IL33: variants seen among roughly 807,000 people sequenced by gnomAD.
IL33 encodes interleukin-33.
In IL33, 37 loss-of-function variants were observed where a neutral mutation model predicts 27.3. The ratio of observed to expected loss-of-function variants is 1.36; its 90% CI spans 1.04 to 1.78. The LOEUF is 1.78. IL33 is among the 40% of genes most tolerant of loss of function. The pLI is 0.00. For missense variants in IL33, 406 were observed against 311.4 expected (o/e 1.30, Z -2.29); for synonymous variants, 132 against 102.9 (o/e 1.28, Z -1.71).
At chr9:6,253,683 C>G in intron 6 of IL33, 81 bp downstream of exon 6, 1 of 1,115,246 alleles carries the variant, frequency 9.0e-7, no homozygotes, top group Non-Finnish European at 1.3e-6. Context: ...TCCTTTTTGC[C>G]CCATAGGAAA....
intron 1 of IL33, among the ~76,000 whole-genome samples, chr9:6,230,915 C>T (rs576233960): frequency 2.0e-5 from 3 of 152,264 alleles, no homozygotes; most frequent in Admixed American, 6.5e-5. Context: ...ACCTATGTGA[C>T]GTTTTGCAAG....
intron 2 of IL33, 41 bp downstream of exon 2, chr9:6,241,826 T>C: frequency 7.5e-7 from 1 of 1,339,650 alleles, no homozygotes; most frequent in African/African-American, 1.5e-5. Flanking sequence ...ACGCACTATT[T>C]TTATCTGTTA....
At chr9:6,217,814 C>G (rs926296951) in intron 1 of IL33, among the ~76,000 whole-genome samples, 23 of 152,176 alleles carry the variant, frequency 1.5e-4, no homozygotes, top group African/African-American at 5.3e-4. Flanking sequence ...TAGCACAAAT[C>G]CAAAAGTATG....
At chr9:6,233,483 C>T (rs916424647) in intron 1 of IL33, among the ~76,000 whole-genome samples, 2 of 152,126 alleles carry the variant, frequency 1.3e-5, no homozygotes, top group African/African-American at 4.8e-5. Context: ...AAGTTTTCCT[C>T]TTTTCATTGG....
chr9:6,253,055 A>T (rs1284335908), intron 5 of IL33, 64 bp downstream of exon 5: 1 of 1,115,224 alleles, frequency 9.0e-7, no homozygotes, highest in Non-Finnish European at 1.3e-6. Context: ...CATTTTAATA[A>T]ATCTACCAAA....
chr9:6,253,227 G>T (rs1302813676), intron 5 of IL33, among the ~76,000 whole-genome samples: 1 of 152,150 alleles, frequency 6.6e-6, no homozygotes, highest in African/African-American at 2.4e-5. Flanking sequence ...TGCAGTATCT[G>T]TTGTGAAAGA....
rs1231271124 is a variant in IL33, at chr9:6,254,526, T to G, written c.585T>G (p.His195Gln). 6.3e-7 allele frequency: 1 copy of G among 1,595,138 alleles called. No individual in the cohort carries two copies. Among genetic ancestry groups the G allele is most frequent in the African/African-American group, 1.3e-5 (1 of 74,174 alleles). Residue 195 changes from histidine to glutamine, a missense_variant, in exon 7 of 8, where the codon CAT (histidine) becomes CAG (glutamine). Coordinates refer to ENST00000682010, the MANE Select transcript of IL33 (RefSeq NM_033439.4). The stretch of plus-strand genomic sequence containing the variant: ...GTCCTACAAAAGACTTCTGGTTGCA[T>G]GCCAACAACAAGGAACACTCTGTGG... ...TLSPTKDFWL[H>Q]ANNKEHSVEL...
intron 7 of IL33, 106 bp downstream of exon 7, chr9:6,254,659 A>AT (rs1816622182): frequency 9.2e-6 from 5 of 546,242 alleles, no homozygotes; most frequent in African/African-American, 1.9e-5. Context: ...TTGCAGAAGG[A>AT]TTTTTTTGTG....
intron 1 of IL33, among the ~76,000 whole-genome samples, chr9:6,226,936 A>G (rs1382169952): frequency 6.6e-6 from 1 of 152,216 alleles, no homozygotes; most frequent in Non-Finnish European, 1.5e-5. Context: ...GTTCTTCAAG[A>G]TAAGACTTGT....
At chr9:6,218,749 C>CAT (rs1180214190) in intron 1 of IL33, among the ~76,000 whole-genome samples, 3 of 96,018 alleles carry the variant, frequency 3.1e-5, no homozygotes, top group Non-Finnish European at 4.5e-5. Context: ...ATATGTTCTC[C>CAT]ATATATATAT....
intron 1 of IL33, among the ~76,000 whole-genome samples, chr9:6,223,947 T>A (rs1818519708): frequency 1.3e-5 from 2 of 152,086 alleles, no homozygotes; most frequent in Non-Finnish European, 2.9e-5. Context: ...TTAACCCAGC[T>A]CTGAGCATCA....
At chr9:6,254,698 A>T in intron 7 of IL33, 145 bp downstream of exon 7, 1 of 384,686 alleles carries the variant, frequency 2.6e-6, no homozygotes, top group East Asian at 3.8e-5. Context: ...ACAATCACTT[A>T]CTACAAATGA....
At chr9:6,232,349 T>C (rs911007347) in intron 1 of IL33, among the ~76,000 whole-genome samples, 3 of 152,224 alleles carry the variant, frequency 2.0e-5, no homozygotes, top group Non-Finnish European at 2.9e-5. Flanking sequence ...CTCATATATT[T>C]CTCACTGTTG....
chr9:6,241,290 A>G (rs1324932022), intron 1 of IL33, among the ~76,000 whole-genome samples: 1 of 152,254 alleles, frequency 6.6e-6, no homozygotes, highest in Non-Finnish European at 1.5e-5. Context: ...CAAGTATTAT[A>G]TACTATGCAT....
chr9:6,219,304 A>T (rs867315098), intron 1 of IL33, among the ~76,000 whole-genome samples: 13 of 151,854 alleles, frequency 8.6e-5, no homozygotes, highest in Admixed American at 2.6e-4. Context: ...AGCAAAAGTA[A>T]CTTTTAAGGG....
At chr9:6,220,753 G>GTTA (rs1261431260) in intron 1 of IL33, among the ~76,000 whole-genome samples, 3 of 150,558 alleles carry the variant, frequency 2.0e-5, no homozygotes, top group African/African-American at 4.8e-5. Context: ...TATTGTTATT[G>GTTA]TTATTATTAT....
intron 1 of IL33, among the ~76,000 whole-genome samples, chr9:6,227,061 C>T (rs140253614): frequency 6.6e-5 from 10 of 152,374 alleles, no homozygotes; most frequent in Non-Finnish European, 1.5e-4. Context: ...TAGGGGCTGA[C>T]TTGTCCTGAG....
chr9:6,256,441 G>A lies in IL33; in HGVS notation c.*273G>A, dbSNP rs1816737368. 2.2e-6 allele frequency: 1 copy of A among 456,722 alleles called. No individual in the cohort carries two copies. The highest frequency in any genetic ancestry group is 5.9e-5 in the South Asian group (1 of 16,836). 28.3% of individuals were successfully genotyped at this position (456,722 alleles called of 1,614,324 possible). A position where few individuals can be genotyped will look rare whatever the true frequency, so the allele number is the denominator to read the frequency against. ...TCAACATTCTAAAGAGATACAGTCT[G>A]ACCTTTACTTTTCTCTAGTTTCAGT... On this transcript the variant is annotated 3_prime_UTR_variant, in exon 8 of 8. Transcript: ENST00000682010.
intron 1 of IL33, among the ~76,000 whole-genome samples, chr9:6,225,525 G>C (rs1157695288): frequency 6.6e-6 from 1 of 152,092 alleles, no homozygotes; most frequent in Non-Finnish European, 1.5e-5. Context: ...AAAATAAGGA[G>C]TTTTAGGCCA....
Sources: allele counts gnomAD v4.1 joint callset (sites outside exome capture counted in the v4.1 genomes callset), GRCh38; gene constraint gnomAD v4.1.1; transcripts MANE v1.5; gene names NCBI Gene and HGNC (gene_info 2026-07-23, HGNC 2026-07-21).